Variants in MAGI1 observed in about 807,000 individuals in gnomAD.
MAGI1 encodes membrane associated guanylate kinase, WW and PDZ domain containing 1.
MAGI1 carries 58 observed loss-of-function variants against 139.9 expected under a neutral mutation model. The ratio of observed to expected loss-of-function variants is 0.41; its 90% CI spans 0.34 to 0.52. MAGI1 has a LOEUF of 0.52. Ranked by LOEUF, MAGI1 falls within the 20% of genes least tolerant of loss-of-function variation. The probability of loss-of-function intolerance (pLI) is 0.12; values close to 1 mark genes in which losing one functional copy is unlikely to be tolerated. For missense variants in MAGI1, 1,874 were observed against 1,901.6 expected (o/e 0.99, Z 0.27); for synonymous variants, 812 against 737.9 (o/e 1.10, Z -1.63).
At chr3:65,824,530 T>A (rs1320444292) in intron 1 of MAGI1, among the ~76,000 whole-genome samples, 3 of 152,216 alleles carry the variant, frequency 2.0e-5, no homozygotes, top group Non-Finnish European at 4.4e-5. Context: ...AAGCTGCATA[T>A]ACAAGCCAAC....
At chr3:65,787,392 T>C (rs1256431978) in intron 1 of MAGI1, among the ~76,000 whole-genome samples, 1 of 151,948 alleles carries the variant, frequency 6.6e-6, no homozygotes, top group Admixed American at 6.6e-5. Context: ...CTGCCGTTTT[T>C]TTAGTGAACA....
chr3:65,470,722 G>T (rs536516569), intron 4 of MAGI1, among the ~76,000 whole-genome samples: 3 of 152,042 alleles, frequency 2.0e-5, no homozygotes, highest in Non-Finnish European at 4.4e-5. Context: ...AAAGAAGGGG[G>T]AAAAAATCCC....
intron 1 of MAGI1, among the ~76,000 whole-genome samples, chr3:66,036,992 A>T (rs1262247121): frequency 4.6e-5 from 7 of 152,076 alleles, no homozygotes; most frequent in Non-Finnish European, 1.5e-5. Flanking sequence ...CTGAGAGAGG[A>T]ATTTGCTTCC....
intron 1 of MAGI1, among the ~76,000 whole-genome samples, chr3:65,670,498 C>T (rs1201644125): frequency 2.6e-5 from 4 of 151,940 alleles, no homozygotes; most frequent in Non-Finnish European, 5.9e-5. Flanking sequence ...AAATCCTCAA[C>T]CCCAAAATAA....
intron 2 of MAGI1, among the ~76,000 whole-genome samples, chr3:65,610,819 T>TATATATATAC (rs756816310): frequency 8.0e-6 from 1 of 125,144 alleles, no homozygotes; most frequent in Non-Finnish European, 1.6e-5. Flanking sequence ...ATATAGTATA[T>TATATATATAC]AGTATATATA....
rs1422285330 is a variant in MAGI1 at position 65,379,529 on chromosome 3, G to A, written c.2727C>T (p.Pro909=). 3.7e-6 allele frequency: 6 copies of A among 1,610,822 alleles called. No individual in the cohort carries two copies. Among genetic ancestry groups the A allele is most frequent in the East Asian group, 4.5e-5 (2 of 44,740 alleles). ...TACTGTGATGAGAGGAGGCTGGCGA[G>A]GGCACCTCGTTCTCGGTTTTGGGCA... The part of the protein sequence containing the change: ...FAVPKTENEV[P]SPASSHHSSN... The change falls in exon 17 of 23, where the codon CCC becomes CCT. Residue 909 remains proline, a synonymous_variant. Transcript: ENST00000402939.
At chr3:65,612,991 A>C (rs768103957) in intron 2 of MAGI1, among the ~76,000 whole-genome samples, 7 of 152,174 alleles carry the variant, frequency 4.6e-5, no homozygotes, top group Non-Finnish European at 7.4e-5. Context: ...TCCTACACTC[A>C]GCCAAATACT....
In MAGI1 at chr3:65,759,065, CAAAAAAAAAAAAAAA is replaced by C. The variant is rs200497203; in HGVS notation, c.314-136992_314-136978del. On this transcript the variant is annotated intron_variant, in intron 1 of 22. Transcript: ENST00000402939. ...GAAAGGAGAACTGTTAGGCCCAGTGCAAAAAAAAAAAAAAAAAAAAAAAAAAAAAATGGAAAGTGA... is the reference window on the plus strand; with the variant it reads ...GAAAGGAGAACTGTTAGGCCCAGTGCAAAAAAAAAAAAAAATGGAAAGTGA... Among the ~76,000 whole-genome samples, 27 of 73,084 alleles carry C rather than the reference CAAAAAAAAAAAAAAA, an allele frequency of 3.7e-4. No homozygotes were observed. The East Asian group carries it at 9.0e-3, about 24-fold the overall frequency. 47.9% of individuals were successfully genotyped at this position (73,084 alleles called of 152,430 possible).
chr3:65,636,111 G>T (rs565406009), intron 1 of MAGI1, among the ~76,000 whole-genome samples: 6 of 152,254 alleles, frequency 3.9e-5, no homozygotes, highest in African/African-American at 1.4e-4. Context: ...CCATGGTCCC[G>T]GGGCAGAGGG....
intron 1 of MAGI1, among the ~76,000 whole-genome samples, chr3:65,907,158 C>G (rs942613734): frequency 2.6e-5 from 4 of 151,988 alleles, no homozygotes; most frequent in African/African-American, 9.7e-5. Context: ...CTAAGGAGAG[C>G]CCTTAATTAG....
intron 1 of MAGI1, among the ~76,000 whole-genome samples, chr3:65,959,601 TTTATTATTATTATTATTA>T (rs34295973): frequency 1.2e-3 from 155 of 127,310 alleles, no homozygotes; most frequent in African/African-American, 4.4e-3. Flanking sequence ...TCCCAGCATT[TTTATTATTATTATTATTA>T]TTATTATTAT....
intron 1 of MAGI1, among the ~76,000 whole-genome samples, chr3:65,994,643 T>A (rs1431766249): frequency 6.6e-6 from 1 of 152,204 alleles, no homozygotes; most frequent in Non-Finnish European, 1.5e-5. Context: ...CTGTCTCAGC[T>A]CCCTGAGCTA....
intron 12 of MAGI1, among the ~76,000 whole-genome samples, chr3:65,417,722 C>T (rs2107250075): frequency 6.6e-6 from 1 of 152,134 alleles, no homozygotes; most frequent in South Asian, 2.1e-4. Context: ...GGGCCACAGG[C>T]ACACAATGGG....
Position 66,023,140 on chromosome 3 carries a change from T to C in MAGI1, c.313+14856A>G, listed in dbSNP as rs141202587. On this transcript the variant is annotated intron_variant, in intron 1 of 22. Coordinates refer to ENST00000402939, the MANE Select transcript of MAGI1 (RefSeq NM_001033057.2). ...GTCTAAACTTGAAAACTCTCCTAAG[T>C]TGCATCTCACATCAGAAGTTCTGGA... Among the ~76,000 whole-genome samples the C allele has an allele frequency of 4.7e-3, 714 of 152,230 alleles. 4 individuals carry two copies. Among genetic ancestry groups the C allele is most frequent in the African/African-American group, 0.016 (675 of 41,520 alleles).
chr3:65,365,091 A>T (rs1309966142), intron 18 of MAGI1, 145 bp from the exon 19 acceptor site: 1 of 789,286 alleles, frequency 1.3e-6, no homozygotes. Flanking sequence ...TTTCTAGACA[A>T]TTAGGAGTTT....
At chr3:65,948,346 T>A (rs2063641608) in intron 1 of MAGI1, among the ~76,000 whole-genome samples, 1 of 152,192 alleles carries the variant, frequency 6.6e-6, no homozygotes, top group African/African-American at 2.4e-5. Flanking sequence ...CTCCCTTGTT[T>A]CATAAAACCC....
chr3:65,552,465 A>G (rs2079885436), intron 2 of MAGI1, among the ~76,000 whole-genome samples: 1 of 152,208 alleles, frequency 6.6e-6, no homozygotes, highest in Non-Finnish European at 1.5e-5. Flanking sequence ...TATCCTTTGA[A>G]GCAGCCAGCA....
chr3:65,844,194 C>T (rs1438071769), intron 1 of MAGI1: 3 of 509,234 alleles, frequency 5.9e-6, no homozygotes, highest in Non-Finnish European at 1.2e-5. Context: ...GAGAGTCATG[C>T]TGAACTTAAG....
chr3:65,493,724 A>G, intron 2 of MAGI1, 93 bp from the exon 3 acceptor site: 1 of 1,460,432 alleles, frequency 6.8e-7, no homozygotes. Flanking sequence ...CTGTTCAGTA[A>G]GAGGGCGTAC....
Sources: gnomAD v4.1 joint callset for allele counts (sites outside exome capture counted in the v4.1 genomes callset) on GRCh38, gnomAD v4.1.1 for gene constraint, MANE v1.5 for transcripts, NCBI Gene and HGNC (gene_info 2026-07-23, HGNC 2026-07-21) for gene names.